ANKRD45: variants seen among roughly 807,000 people sequenced by gnomAD.
ANKRD45 encodes the protein ankyrin repeat domain 45.
A neutral mutation model predicts 28.1 loss-of-function variants in ANKRD45; 21 were observed. The observed-to-expected ratio is 0.75, with a 90% CI of 0.53 to 1.08. ANKRD45 has a LOEUF of 1.08. Ranked by LOEUF, ANKRD45 falls within the 50% of genes least tolerant of loss-of-function variation. ANKRD45 has a pLI of 0.00. For missense variants in ANKRD45, 261 were observed against 308.7 expected (o/e 0.85, Z 1.16); for synonymous variants, 86 against 103.9 (o/e 0.83, Z 1.05).
At chr1:173,652,876 AT>A (rs1669301987) in intron 2 of ANKRD45, among the ~76,000 whole-genome samples, 1 of 152,140 alleles carries the variant, frequency 6.6e-6, no homozygotes, top group African/African-American at 2.4e-5. Flanking sequence ...TTTCTAGTTT[AT>A]TTGTGTAGAG....
chr1:173,635,457 T>G, intron 3 of ANKRD45: 2 of 1,082,870 alleles, frequency 1.8e-6, no homozygotes, highest in Non-Finnish European at 2.6e-6. Flanking sequence ...TTTTATTATT[T>G]AGCTAATTTA....
At chr1:173,649,048 C>G (rs1669059119) in intron 2 of ANKRD45, among the ~76,000 whole-genome samples, 1 of 152,102 alleles carries the variant, frequency 6.6e-6, no homozygotes, top group Non-Finnish European at 1.5e-5. Context: ...TAAGTGTTAT[C>G]CATTTTAATA....
At chr1:173,623,502 C>T (rs1667791933) in intron 5 of ANKRD45, among the ~76,000 whole-genome samples, 4 of 152,136 alleles carry the variant, frequency 2.6e-5, no homozygotes, top group Admixed American at 2.0e-4. Flanking sequence ...TTCTTATACA[C>T]TGTTGGTAGG....
intron 5 of ANKRD45, among the ~76,000 whole-genome samples, chr1:173,616,973 C>T (rs1213838541): frequency 6.6e-6 from 1 of 152,044 alleles, no homozygotes; most frequent in Non-Finnish European, 1.5e-5. Flanking sequence ...AGTGATTGTG[C>T]GACCACTCAC....
chr1:173,669,069 AC>A (rs1335471215), intron 1 of ANKRD45, among the ~76,000 whole-genome samples: 1 of 152,232 alleles, frequency 6.6e-6, no homozygotes, highest in Non-Finnish European at 1.5e-5. Context: ...CATAGCACCT[AC>A]CCCATAGGCT....
At chr1:173,669,456 A>C (rs1246357826) in intron 1 of ANKRD45, 1 of 455,754 alleles carries the variant, frequency 2.2e-6, no homozygotes, top group Non-Finnish European at 4.4e-6. Context: ...AAGGACCCCA[A>C]GGGCAACCCT....
the ANKRD45 span, among the ~76,000 whole-genome samples, chr1:173,695,504 G>A: frequency 8.5e-5 from 13 of 152,196 alleles, no homozygotes; most frequent in South Asian, 8.3e-4. Context: ...GGCTTGGACC[G>A]CATCCACGTT....
At chr1:173,635,576 G>C in intron 3 of ANKRD45, 1 of 1,534,858 alleles carries the variant, frequency 6.5e-7, no homozygotes, top group Non-Finnish European at 8.7e-7. Context: ...CTGCTTCTTC[G>C]GGGAGAGTTT....
At chr1:173,635,638 A>G in intron 3 of ANKRD45, 1 of 1,535,682 alleles carries the variant, frequency 6.5e-7, no homozygotes, top group Non-Finnish European at 8.7e-7. Context: ...AGATTCTTCC[A>G]GAAGAAGTAC....
chr1:173,637,837 G>T (rs777211296), intron 3 of ANKRD45, among the ~76,000 whole-genome samples: 1 of 152,180 alleles, frequency 6.6e-6, no homozygotes, highest in Non-Finnish European at 1.5e-5. Context: ...TTGGTGGCCC[G>T]TAGGGGATTA....
Position 173,624,911 on chromosome 1 carries a change from A to T in ANKRD45, c.606T>A (p.Ser202Arg). Residue 202 changes from serine to arginine, a missense_variant, in exon 5 of 6, where the codon AGT becomes AGA. Ser to Arg is a moderately radical substitution (Grantham distance 110, BLOSUM62 -1). Transcript: ENST00000333279. The stretch of plus-strand genomic sequence containing the variant: ...ACCACTCATTTTTTGCACGGCATGC[A>T]CTGAGGATGGTATTCTAGGGACAGA... ...LLKEDKNTIL[S>R]ACRAKNEWLE... 1 of 1,613,474 alleles carries T rather than the reference A, an allele frequency of 6.2e-7. No individual in the cohort carries two copies. The highest frequency in any genetic ancestry group is 8.5e-7 in the Non-Finnish European group (1 of 1,179,726).
chr1:173,663,512 C>T (rs1465200542), intron 1 of ANKRD45, among the ~76,000 whole-genome samples: 6 of 151,082 alleles, frequency 4.0e-5, no homozygotes, highest in East Asian at 3.9e-4. Context: ...GAATAGAACC[C>T]CACCCTCTTT....
chr1:173,634,582 T>C (rs1434023609), intron 3 of ANKRD45, among the ~76,000 whole-genome samples: 5 of 151,970 alleles, frequency 3.3e-5, no homozygotes, highest in Non-Finnish European at 7.4e-5. Context: ...TACTCACATA[T>C]CTTTTTCTGC....
chr1:173,676,095 A>G, the ANKRD45 span, among the ~76,000 whole-genome samples: 5 of 152,308 alleles, frequency 3.3e-5, no homozygotes, highest in East Asian at 1.9e-4. Context: ...TACGAGGCCA[A>G]TTTTTCCAAG....
the ANKRD45 span, among the ~76,000 whole-genome samples, chr1:173,697,259 G>T: frequency 2.6e-5 from 4 of 152,206 alleles, no homozygotes; most frequent in Non-Finnish European, 5.9e-5. Flanking sequence ...TTATCCAGGA[G>T]AACTTCACCA....
chr1:173,709,507 C>T, the ANKRD45 span, among the ~76,000 whole-genome samples: 1 of 152,098 alleles, frequency 6.6e-6, no homozygotes, highest in East Asian at 1.9e-4. Context: ...AGCCCACACT[C>T]AAAGGAGGGG....
At chr1:173,662,835 A>G (rs1378771582) in intron 1 of ANKRD45, among the ~76,000 whole-genome samples, 1 of 152,176 alleles carries the variant, frequency 6.6e-6, no homozygotes, top group African/African-American at 2.4e-5. Context: ...GAGGAAAAAA[A>G]GCAAGTTTCT....
chr1:173,712,316 C>T, the ANKRD45 span, among the ~76,000 whole-genome samples: 1 of 152,182 alleles, frequency 6.6e-6, no homozygotes, highest in African/African-American at 2.4e-5. Flanking sequence ...AGCACTGTAG[C>T]TGAAAGCACA....
At position 173,624,790 on chromosome 1, in the gene ANKRD45, G is replaced by T. The variant is rs865783054; in HGVS notation, c.727C>A (p.Pro243Thr). Residue 243 changes from proline to threonine, a missense_variant, in exon 5 of 6, where the codon CCA becomes ACA. By Grantham distance (38) the Pro-to-Thr change is conservative. Coordinates refer to ENST00000333279, the MANE Select transcript of ANKRD45 (RefSeq NM_198493.3). ...CCACCTTTTATCCAAAACTTACATG[G>T]TGTAGTCATTTTTGTGAAGATAGGA... ...VTPIFTKMTT[P>T]CQVKSAKSVT... 1.2e-6 allele frequency: 2 copies of T among 1,612,690 alleles called. No individual in the cohort carries two copies. The highest frequency in any genetic ancestry group is 1.7e-6 in the Non-Finnish European group (2 of 1,179,414).
Sources: allele counts gnomAD v4.1 joint callset (sites outside exome capture counted in the v4.1 genomes callset), GRCh38; gene constraint gnomAD v4.1.1; transcripts MANE v1.5; gene names NCBI Gene and HGNC (gene_info 2026-07-23, HGNC 2026-07-21).